The following SGMS1 variants were observed in gnomAD, a reference collection of about 807,000 sequenced individuals.
The protein encoded by SGMS1 is sphingomyelin synthase 1.
Under a neutral mutation model 46.2 loss-of-function variants are expected in SGMS1, and 13 were observed. The ratio of observed to expected loss-of-function variants is 0.28; its 90% CI spans 0.18 to 0.45. SGMS1 has a LOEUF of 0.45. Ranked by LOEUF, SGMS1 falls within the 20% of genes least tolerant of loss-of-function variation. SGMS1 has a pLI of 1.00. For missense variants in SGMS1, 324 were observed against 519.9 expected (o/e 0.62, Z 3.66); for synonymous variants, 203 against 187.8 (o/e 1.08, Z -0.66).
At chr10:50,540,940 G>A (rs1212327955) in intron 2 of SGMS1, among the ~76,000 whole-genome samples, 1 of 152,154 alleles carries the variant, frequency 6.6e-6, no homozygotes, top group East Asian at 1.9e-4. Flanking sequence ...ACTGGACCAG[G>A]AGGGTGGATT....
At chr10:50,516,887 G>T (rs1045372074) in intron 3 of SGMS1, among the ~76,000 whole-genome samples, 4 of 152,158 alleles carry the variant, frequency 2.6e-5, no homozygotes, top group African/African-American at 9.7e-5. Context: ...AATCCCGTGA[G>T]AATATAGTGG....
At chr10:50,356,501 A>G (rs1848150600) in intron 6 of SGMS1, among the ~76,000 whole-genome samples, 1 of 151,962 alleles carries the variant, frequency 6.6e-6, no homozygotes, top group Non-Finnish European at 1.5e-5. Flanking sequence ...CCTTCCCTCC[A>G]CTATTGTCCT....
chr10:50,614,489 T>C (rs1838779091), intron 1 of SGMS1, among the ~76,000 whole-genome samples: 1 of 152,194 alleles, frequency 6.6e-6, no homozygotes, highest in East Asian at 1.9e-4. Flanking sequence ...CTGATGGCAG[T>C]GGTTGGCAAA....
chr10:50,422,706 A>G (rs1297982507), intron 6 of SGMS1, among the ~76,000 whole-genome samples: 5 of 152,264 alleles, frequency 3.3e-5, no homozygotes, highest in African/African-American at 7.2e-5. Flanking sequence ...GCTCCTAACC[A>G]TAATGGTAGC....
intron 2 of SGMS1, among the ~76,000 whole-genome samples, chr10:50,566,417 T>A (rs1057293634): frequency 6.6e-6 from 1 of 152,180 alleles, no homozygotes; most frequent in African/African-American, 2.4e-5. Flanking sequence ...CCAGAAAACA[T>A]ATTGATTTTT....
At chr10:50,479,973 T>C (rs1298786549) in intron 3 of SGMS1, among the ~76,000 whole-genome samples, 1 of 152,198 alleles carries the variant, frequency 6.6e-6, no homozygotes, top group Non-Finnish European at 1.5e-5. Flanking sequence ...GGGCTCTAAT[T>C]AGGAATATTT....
intron 2 of SGMS1, among the ~76,000 whole-genome samples, chr10:50,578,853 A>G (rs1379549189): frequency 6.6e-6 from 1 of 152,242 alleles, no homozygotes; most frequent in Non-Finnish European, 1.5e-5. Flanking sequence ...CAAAGATTAA[A>G]ATGTTAAGCT....
At chr10:50,488,291 A>G (rs1837539691) in intron 3 of SGMS1, among the ~76,000 whole-genome samples, 1 of 152,100 alleles carries the variant, frequency 6.6e-6, no homozygotes, top group East Asian at 1.9e-4. Context: ...CTGGGATTAC[A>G]GTTGTGAGCC....
chr10:50,602,105 TCTC>T (rs1454647382), intron 1 of SGMS1, among the ~76,000 whole-genome samples: 1 of 152,206 alleles, frequency 6.6e-6, no homozygotes, highest in Non-Finnish European at 1.5e-5. Flanking sequence ...ACTTTATTCT[TCTC>T]CTGATACTCG....
At chr10:50,610,324 T>G (rs11006288) in intron 1 of SGMS1, among the ~76,000 whole-genome samples, 1 of 152,202 alleles carries the variant, frequency 6.6e-6, no homozygotes. Context: ...TTATCCACTT[T>G]CATAAAAAAT....
chr10:50,431,273 C>T (rs983104735), intron 6 of SGMS1, among the ~76,000 whole-genome samples: 6 of 152,110 alleles, frequency 3.9e-5, no homozygotes, highest in Admixed American at 2.0e-4. Flanking sequence ...CCTGACTCAG[C>T]GGGAACTATA....
intron 6 of SGMS1, among the ~76,000 whole-genome samples, chr10:50,355,842 C>T (rs954851315): frequency 6.6e-6 from 1 of 151,630 alleles, no homozygotes; most frequent in Admixed American, 6.6e-5. Context: ...GCCTCTGCCC[C>T]GCCGCCCTGT....
intron 9 of SGMS1, among the ~76,000 whole-genome samples, chr10:50,308,854 T>C (rs188471261): frequency 7.9e-5 from 12 of 152,324 alleles, no homozygotes; most frequent in Admixed American, 7.8e-4. Flanking sequence ...AAATGTTGTT[T>C]GAATATGATC....
chr10:50,483,108 C>A (rs781240503), intron 3 of SGMS1, among the ~76,000 whole-genome samples: 124 of 152,202 alleles, frequency 8.1e-4, no homozygotes, highest in Non-Finnish European at 1.3e-3. Flanking sequence ...GAGACACAGT[C>A]TCGCTCTATC....
At chr10:50,508,004 A>C (rs890567048) in intron 3 of SGMS1, among the ~76,000 whole-genome samples, 2 of 152,148 alleles carry the variant, frequency 1.3e-5, no homozygotes, top group Non-Finnish European at 2.9e-5. Context: ...CATGAGGGAC[A>C]ATTCATGGGA....
At chr10:50,354,789 A>G (rs1848108642) in intron 6 of SGMS1, among the ~76,000 whole-genome samples, 1 of 152,236 alleles carries the variant, frequency 6.6e-6, no homozygotes, top group Admixed American at 6.5e-5. Context: ...AAGGATATGA[A>G]CAGACACTTC....
chr10:50,380,783 T>A (rs77806984), intron 6 of SGMS1, among the ~76,000 whole-genome samples: 1 of 151,986 alleles, frequency 6.6e-6, no homozygotes, highest in Admixed American at 6.6e-5. Flanking sequence ...TCTCTTTTTT[T>A]AACTAAGTCT....
rs560851223 is a variant in SGMS1 at position 50,590,213 on chromosome 10, G to A, written c.-649C>T. 5 of 152,228 alleles carry A rather than the reference G, an allele frequency of 3.3e-5. No homozygotes were observed. Among genetic ancestry groups the A allele is most frequent in the African/African-American group, 7.2e-5 (3 of 41,412 alleles). 9.4% of individuals were successfully genotyped at this position (152,228 alleles called of 1,614,324 possible). A position where few individuals can be genotyped will look rare whatever the true frequency, so the allele number is the denominator to read the frequency against. On this transcript the variant is annotated 5_prime_UTR_variant, in exon 2 of 11. Transcript: ENST00000361781. ...AAAATGAATGACTAAATATGCCCAC[G>A]GGCCCATTCAGGGATCGTACATGCT...
At chr10:50,339,582 C>T (rs761125937) in intron 7 of SGMS1, among the ~76,000 whole-genome samples, 24 of 152,108 alleles carry the variant, frequency 1.6e-4, no homozygotes, top group Non-Finnish European at 3.2e-4. Context: ...ATAAGCTTCA[C>T]GAAAGCATCA....
Sources: allele counts gnomAD v4.1 joint callset (sites outside exome capture counted in the v4.1 genomes callset), GRCh38; gene constraint gnomAD v4.1.1; transcripts MANE v1.5; gene names NCBI Gene and HGNC (gene_info 2026-07-23, HGNC 2026-07-21).